Variants in ANTXR2 observed in about 807,000 individuals in gnomAD.
The protein encoded by ANTXR2 is ANTXR cell adhesion molecule 2.
Under a neutral mutation model 73.7 loss-of-function variants are expected in ANTXR2, and 44 were observed. The observed-to-expected ratio is 0.60, with a 90% CI of 0.47 to 0.77. The LOEUF is 0.77. Among genes scored for constraint, ANTXR2 ranks in the 30% least tolerant of loss-of-function variants. The probability of loss-of-function intolerance (pLI) is 0.00; values close to 1 mark genes in which losing one functional copy is unlikely to be tolerated. For missense variants in ANTXR2, 604 were observed against 592.5 expected (o/e 1.02, Z -0.20); for synonymous variants, 217 against 205.9 (o/e 1.05, Z -0.46).
chr4:80,019,947 T>A (rs986906351), intron 10 of ANTXR2, among the ~76,000 whole-genome samples: 3 of 152,188 alleles, frequency 2.0e-5, no homozygotes, highest in African/African-American at 4.8e-5. Flanking sequence ...GAGTTAGTAA[T>A]TTTTTATTAT....
chr4:79,989,971 A>C (rs1267218071), intron 12 of ANTXR2, among the ~76,000 whole-genome samples: 1 of 149,184 alleles, frequency 6.7e-6, no homozygotes, highest in African/African-American at 2.5e-5. Flanking sequence ...AGGCATCAAA[A>C]AAAATATCTC....
intron 16 of ANTXR2, among the ~76,000 whole-genome samples, chr4:79,949,112 G>A (rs1183385742): frequency 2.6e-5 from 4 of 152,040 alleles, no homozygotes; most frequent in Non-Finnish European, 5.9e-5. Flanking sequence ...AATATGAGTG[G>A]CAGAATGAAA....
At chr4:79,937,564 A>T (rs529044915) in intron 16 of ANTXR2, among the ~76,000 whole-genome samples, 84 of 152,282 alleles carry the variant, frequency 5.5e-4, no homozygotes, top group African/African-American at 1.9e-3. Context: ...ATAGTACCAT[A>T]CTCAAACAGA....
intron 12 of ANTXR2, among the ~76,000 whole-genome samples, chr4:79,990,651 C>T (rs1379274930): frequency 6.6e-6 from 1 of 151,914 alleles, no homozygotes; most frequent in Non-Finnish European, 1.5e-5. Flanking sequence ...TCATATGGAA[C>T]CAGAAGAGAA....
chr4:79,974,322 G>A (rs910665074), intron 16 of ANTXR2, among the ~76,000 whole-genome samples: 1 of 152,086 alleles, frequency 6.6e-6, no homozygotes, highest in African/African-American at 2.4e-5. Context: ...ATCATAATAT[G>A]TATCTGATGA....
chr4:80,020,330 C>T (rs1342410566), intron 10 of ANTXR2, among the ~76,000 whole-genome samples: 1 of 151,920 alleles, frequency 6.6e-6, no homozygotes, highest in Admixed American at 6.6e-5. Context: ...AGGCTGCAGT[C>T]ATCTCTGATT....
At chr4:79,973,688 C>G (rs993638021) in intron 16 of ANTXR2, among the ~76,000 whole-genome samples, 4 of 152,164 alleles carry the variant, frequency 2.6e-5, no homozygotes, top group African/African-American at 9.7e-5. Context: ...CTTGGCCTCC[C>G]AAAGTGCTGG....
At chr4:80,033,295 T>A (rs562250697) in intron 9 of ANTXR2, among the ~76,000 whole-genome samples, 177 bp downstream of exon 9, 1 of 152,044 alleles carries the variant, frequency 6.6e-6, no homozygotes, top group South Asian at 2.1e-4. Flanking sequence ...AATGTTGCCA[T>A]TATTAAATAA....
chr4:80,071,719 A>G lies in ANTXR2; in HGVS notation c.153-65T>C, dbSNP rs1416133666. ...GGAACTGAAAAGTAAACATTTTGAA[A>G]TGGTTCCTTCTTCAATGCCACGAAC... On this transcript the variant is annotated intron_variant, in intron 1 of 16. Coordinates refer to ENST00000403729, the MANE Select transcript of ANTXR2 (RefSeq NM_058172.6). 7 of 1,366,250 alleles carry G rather than the reference A, an allele frequency of 5.1e-6. No individual in the cohort carries two copies. In the East Asian group the frequency reaches 1.4e-4, roughly 27 times the overall value. The allele number at this position is 1,366,250 out of a possible 1,614,324, so 84.6% of individuals were successfully genotyped here.
intron 12 of ANTXR2, among the ~76,000 whole-genome samples, chr4:80,003,305 G>A (rs1293838798): frequency 6.8e-6 from 1 of 147,628 alleles, no homozygotes; most frequent in African/African-American, 2.5e-5. Flanking sequence ...GTAAACTATC[G>A]CAAGAACAAA....
In ANTXR2 at chr4:80,072,649, A is replaced by T. The variant is rs1036920194; in HGVS notation, c.-89T>A. ...AGGTGGCGGGAGTCACCCGGCACGC[A>T]CTCTGGGGTGGGGGGCGGCGAGCAG... is the stretch of plus-strand genomic sequence containing the variant. On this transcript the variant is annotated 5_prime_UTR_variant, in exon 1 of 17. Coordinates refer to ENST00000403729, the MANE Select transcript of ANTXR2 (RefSeq NM_058172.6). 15 of 1,345,220 alleles carry T rather than the reference A, an allele frequency of 1.1e-5. No homozygotes were observed. The highest frequency in any genetic ancestry group is 1.3e-5 in the Non-Finnish European group (14 of 1,051,174). The allele number at this position is 1,345,220 out of a possible 1,614,324, so 83.3% of individuals were successfully genotyped here.
intron 16 of ANTXR2, among the ~76,000 whole-genome samples, chr4:79,920,586 A>G (rs2109943600): frequency 6.6e-6 from 1 of 152,230 alleles, no homozygotes; most frequent in Admixed American, 6.5e-5. Context: ...AGAAACCAGC[A>G]AGGGCAAAGG....
chr4:79,976,637 T>A (rs1218528028), intron 16 of ANTXR2, among the ~76,000 whole-genome samples: 2 of 152,226 alleles, frequency 1.3e-5, no homozygotes, highest in Admixed American at 1.3e-4. Context: ...GCACGATGCC[T>A]ATAGGGTAGC....
In ANTXR2 at chr4:79,903,236, T is replaced by C. The variant is rs993398879; in HGVS notation, c.*4193A>G. 2.6e-5 allele frequency: 4 copies of C among 152,132 alleles called. No individual in the cohort carries two copies. The highest frequency in any genetic ancestry group is 7.2e-5 in the African/African-American group (3 of 41,428). The allele number at this position is 152,132 out of a possible 1,614,324, so 9.4% of individuals were successfully genotyped here. On this transcript the variant is annotated 3_prime_UTR_variant, in exon 17 of 17. Transcript: ENST00000403729. ...CAGTCTATGGTTGAGAGTTGATCTG[T>C]TCAACATCAGCAAGCTAGTTGATGG...
chr4:80,040,940 T>A (rs145246922), intron 7 of ANTXR2, among the ~76,000 whole-genome samples: 44 of 152,156 alleles, frequency 2.9e-4, no homozygotes, highest in Non-Finnish European at 4.7e-4. Flanking sequence ...TTAATATAGA[T>A]AACAAAAAGT....
intron 16 of ANTXR2, among the ~76,000 whole-genome samples, chr4:79,913,546 C>G (rs542956209): frequency 3.3e-5 from 5 of 152,156 alleles, no homozygotes; most frequent in African/African-American, 1.2e-4. Context: ...CCACATCAAA[C>G]TTTTAACCAC....
intron 7 of ANTXR2, among the ~76,000 whole-genome samples, chr4:80,040,684 T>C (rs1316352172): frequency 6.6e-6 from 1 of 151,924 alleles, no homozygotes; most frequent in East Asian, 1.9e-4. Flanking sequence ...TGTTAAGTCA[T>C]GCACACACTA....
intron 16 of ANTXR2, among the ~76,000 whole-genome samples, chr4:79,958,765 G>A (rs1157120778): frequency 6.6e-6 from 1 of 152,128 alleles, no homozygotes; most frequent in Non-Finnish European, 1.5e-5. Flanking sequence ...TCGGAGGACA[G>A]TTAAAACCGT....
In ANTXR2 at chr4:80,058,392, G is replaced by T. The variant is rs556505519; in HGVS notation, c.297-2379C>A. Among the ~76,000 whole-genome samples the T allele has an allele frequency of 6.4e-4, 97 of 152,142 alleles. 1 individual carries two copies. The highest frequency in any genetic ancestry group is 5.0e-3 in the South Asian group (24 of 4,824). On this transcript the variant is annotated intron_variant, in intron 3 of 16. Transcript: ENST00000403729. The stretch of plus-strand genomic sequence containing the variant: ...CTTTTGCAGCTGCATGATCCTAAGA[G>T]GAAAGTGCTCCTTTTCCATAGCCAA...
Sources: gnomAD v4.1 joint callset for allele counts (sites outside exome capture counted in the v4.1 genomes callset) on GRCh38, gnomAD v4.1.1 for gene constraint, MANE v1.5 for transcripts, NCBI Gene and HGNC (gene_info 2026-07-23, HGNC 2026-07-21) for gene names.